Variants in RGS5 observed in about 807,000 individuals in gnomAD.
RGS5 encodes the protein regulator of G-protein signalling 5.
A neutral mutation model predicts 18.9 loss-of-function variants in RGS5; 20 were observed. That is an observed-to-expected ratio of 1.06 (90% confidence interval 0.74 to 1.54). The LOEUF (loss-of-function observed/expected upper bound fraction) is 1.54, where lower values mean the gene tolerates loss of function less well. RGS5 is among the 40% of genes most tolerant of loss of function. RGS5 has a pLI of 0.00. For synonymous variants in RGS5, 57 were observed against 76.2 expected (o/e 0.75, Z 1.31); for missense variants, 201 against 211.8 (o/e 0.95, Z 0.32).
chr1:163,297,925 G>A (rs56685299), intron 2 of RGS5, among the ~76,000 whole-genome samples: 17 of 152,058 alleles, frequency 1.1e-4, no homozygotes, highest in African/African-American at 4.1e-4. Flanking sequence ...TAAATTTTTT[G>A]AGCTGGGAAT....
chr1:163,300,767 AT>A (rs1360805889), intron 2 of RGS5: 1 of 152,252 alleles, frequency 6.6e-6, no homozygotes, highest in Admixed American at 6.5e-5. Flanking sequence ...ACTGCCAAAA[AT>A]GTTACCCAAG....
intron 1 of RGS5, among the ~76,000 whole-genome samples, chr1:163,186,493 G>T (rs1236869096): frequency 6.7e-6 from 1 of 150,196 alleles, no homozygotes; most frequent in Non-Finnish European, 1.5e-5. Flanking sequence ...GCAGGAGAAT[G>T]GCGTGAACCT....
rs1657819382 is a variant in RGS5, at chr1:163,161,991, A to G, written c.156-15T>C. ...CCAGCGAGGTTCTACATCAATAATA[A>G]GGAGAGAAAAGGGGTATGGCGTAAG... is the stretch of plus-strand genomic sequence containing the variant. On this transcript the variant is annotated splice_polypyrimidine_tract_variant and intron_variant, in intron 2 of 4. Transcript: ENST00000313961. 6.2e-7 allele frequency: 1 copy of G among 1,601,728 alleles called. No individual in the cohort carries two copies. The highest frequency in any genetic ancestry group is 8.6e-7 in the Non-Finnish European group (1 of 1,168,916).
intron 2 of RGS5, among the ~76,000 whole-genome samples, chr1:163,274,909 G>A (rs1317696724): frequency 1.3e-5 from 2 of 152,142 alleles, no homozygotes; most frequent in Non-Finnish European, 2.9e-5. Flanking sequence ...TTGAGCCAAC[G>A]AGTTCAAGAC....
chr1:163,225,888 GATT>G (rs1322381869), intron 2 of RGS5, among the ~76,000 whole-genome samples: 3 of 151,564 alleles, frequency 2.0e-5, no homozygotes, highest in Non-Finnish European at 4.4e-5. Flanking sequence ...TCCAATTTCT[GATT>G]CAATTCAGTT....
intron 1 of RGS5, among the ~76,000 whole-genome samples, chr1:163,175,917 A>G (rs1658537383): frequency 6.6e-6 from 1 of 152,210 alleles, no homozygotes; most frequent in Non-Finnish European, 1.5e-5. Context: ...GTGTTATGAT[A>G]TGACTTCAGA....
chr1:163,172,582 T>A (rs187622569), intron 1 of RGS5: 101 of 1,549,790 alleles, frequency 6.5e-5, no homozygotes, highest in Non-Finnish European at 8.6e-5. Context: ...ACTCTTTTCC[T>A]CATATTTGCC....
At chr1:163,185,436 C>T (rs1276747868) in intron 1 of RGS5, among the ~76,000 whole-genome samples, 1 of 152,176 alleles carries the variant, frequency 6.6e-6, no homozygotes, top group Non-Finnish European at 1.5e-5. Context: ...TCATCATCTG[C>T]TACAAATAGC....
upstream of RGS5, among the ~76,000 whole-genome samples, chr1:163,207,593 C>T (rs574921632): frequency 6.6e-6 from 1 of 152,196 alleles, no homozygotes; most frequent in African/African-American, 2.4e-5. Context: ...TTCATATACA[C>T]ATTGGCCACT....
intron 3 of RGS5, among the ~76,000 whole-genome samples, chr1:163,156,925 C>T (rs1015287718): frequency 6.6e-6 from 1 of 151,996 alleles, no homozygotes; most frequent in Admixed American, 6.6e-5. Context: ...TTAGCTATTG[C>T]TTTTATTATT....
At chr1:163,166,712 C>A (rs1658069747) in intron 2 of RGS5, among the ~76,000 whole-genome samples, 1 of 152,130 alleles carries the variant, frequency 6.6e-6, no homozygotes, top group Non-Finnish European at 1.5e-5. Flanking sequence ...GGATGGAAGA[C>A]AAGAGAAGTA....
intron 1 of RGS5, among the ~76,000 whole-genome samples, chr1:163,180,696 T>TGTTC (rs1234982716): frequency 8.0e-6 from 1 of 125,290 alleles, no homozygotes; most frequent in African/African-American, 3.3e-5. Flanking sequence ...GTTTTTTTTT[T>TGTTC]TTTTTTTTTT....
intron 2 of RGS5, among the ~76,000 whole-genome samples, chr1:163,249,169 G>C (rs1256688919): frequency 3.3e-5 from 5 of 152,176 alleles, no homozygotes; most frequent in African/African-American, 1.2e-4. Context: ...AAATATAGGT[G>C]TAGATGGAGA....
chr1:163,243,088 A>G (rs1468992353), intron 2 of RGS5, among the ~76,000 whole-genome samples: 1 of 152,226 alleles, frequency 6.6e-6, no homozygotes. Flanking sequence ...TGGTGCATAT[A>G]CACTATGGAA....
chr1:163,159,788 TACAC>T (rs1247798533), intron 3 of RGS5, among the ~76,000 whole-genome samples: 1 of 152,126 alleles, frequency 6.6e-6, no homozygotes, highest in East Asian at 1.9e-4. Context: ...CAGGAATACA[TACAC>T]ATACATACTA....
intron 2 of RGS5, among the ~76,000 whole-genome samples, chr1:163,243,301 G>C (rs1434689610): frequency 6.6e-6 from 1 of 152,132 alleles, no homozygotes; most frequent in South Asian, 2.1e-4. Context: ...GGGGTTGGGA[G>C]TAAAGGGGAG....
chr1:163,263,078 T>C (rs1328804307), intron 2 of RGS5, among the ~76,000 whole-genome samples: 2 of 152,190 alleles, frequency 1.3e-5, no homozygotes, highest in African/African-American at 4.8e-5. Context: ...AGGGACTTCA[T>C]TGCTTGGGCT....
intron 2 of RGS5, among the ~76,000 whole-genome samples, chr1:163,230,785 T>A (rs1173573476): frequency 1.3e-5 from 2 of 152,230 alleles, no homozygotes; most frequent in Admixed American, 1.3e-4. Flanking sequence ...CATACTACAT[T>A]GACTAGTTAG....
At chr1:163,292,064 A>G (rs1161340403) in intron 2 of RGS5, among the ~76,000 whole-genome samples, 1 of 152,130 alleles carries the variant, frequency 6.6e-6, no homozygotes, top group African/African-American at 2.4e-5. Context: ...CAGCCTTGTT[A>G]CACAGGTAAA....
Sources: gnomAD v4.1 joint callset for allele counts (sites outside exome capture counted in the v4.1 genomes callset) on GRCh38, gnomAD v4.1.1 for gene constraint, MANE v1.5 for transcripts, NCBI Gene and HGNC (gene_info 2026-07-23, HGNC 2026-07-21) for gene names.